Variants in BMX observed in about 807,000 individuals in gnomAD.
BMX encodes the protein BMX non-receptor tyrosine kinase.
In BMX, 31 loss-of-function variants were observed where a neutral mutation model predicts 59.2. The ratio of observed to expected loss-of-function variants is 0.52; its 90% confidence interval spans 0.39 to 0.71. BMX has a LOEUF of 0.71. Ranked by LOEUF, BMX falls within the 30% of genes least tolerant of loss-of-function variation. BMX has a pLI of 0.00. For synonymous variants in BMX, 185 were observed against 181.0 expected (o/e 1.02, Z -0.18); for missense variants, 474 against 491.7 (o/e 0.96, Z 0.34).
At chrX:15,544,203 G>GT (rs759448745) in intron 16 of BMX, among the ~76,000 whole-genome samples, 3 of 111,282 alleles carry the variant, frequency 2.7e-5, no homozygotes, top group Non-Finnish European at 5.7e-5. Context: ...AGGAGGATCT[G>GT]TTTTTTTAAT....
chrX:15,521,517 A>T (rs1018889264), intron 6 of BMX, among the ~76,000 whole-genome samples: 1 of 112,015 alleles, frequency 8.9e-6, no homozygotes. Context: ...TTGGAAGATC[A>T]TATGTCTAAA....
At chrX:15,510,400 G>A (rs921584634) in intron 3 of BMX, among the ~76,000 whole-genome samples, 1 of 111,646 alleles carries the variant, frequency 9.0e-6, no homozygotes, top group African/African-American at 3.3e-5. Flanking sequence ...ACCAGGCCAG[G>A]CACAGTGGTT....
At position 15,549,884 on chromosome X, in the gene BMX, G is replaced by A. The variant is rs1364382238; in HGVS notation, c.1840G>A (p.Asp614Asn). The A allele has an allele frequency of 8.3e-7, 1 of 1,209,946 alleles. No homozygotes were observed. Among genetic ancestry groups the A allele is most frequent in the Non-Finnish European group, 1.1e-6 (1 of 894,672 alleles). The change falls in exon 18 of 19, where the codon GAC becomes AAC. Residue 614 changes from aspartate to asparagine, a missense_variant. Physicochemically the swap from Asp to Asn is conservative, Grantham distance 23 (BLOSUM62 1). Coordinates refer to ENST00000348343, the MANE Select transcript of BMX (RefSeq NM_203281.3). ...GTTCAGCCTGGGGAAGCAGCCCTAT[G>A]ACTTGTATGACAACTCCCAGGTGGT... is the stretch of plus-strand genomic sequence containing the variant. The part of the protein sequence containing the change: ...EVFSLGKQPY[D>N]LYDNSQVVLK...
chrX:15,510,585 T>C (rs1008427858), intron 3 of BMX, among the ~76,000 whole-genome samples: 4 of 111,553 alleles, frequency 3.6e-5, no homozygotes, highest in Non-Finnish European at 7.5e-5. Flanking sequence ...TGGAAGATGC[T>C]GCAAACTCAC....
intron 18 of BMX, among the ~76,000 whole-genome samples, chrX:15,555,675 T>C (rs189094097): frequency 8.9e-6 from 1 of 111,970 alleles, no homozygotes; most frequent in Non-Finnish European, 1.9e-5. Context: ...TTACTGTAGG[T>C]ATATGTGAAG....
chrX:15,530,569 G>T (rs1395905522), intron 10 of BMX, among the ~76,000 whole-genome samples: 3 of 111,930 alleles, frequency 2.7e-5, no homozygotes, highest in East Asian at 5.6e-4. Context: ...CAAGTCACAT[G>T]GCTCAGCCCA....
At chrX:15,509,563 T>C (rs1363047718) in intron 3 of BMX, 130 bp downstream of exon 3, 7 of 465,158 alleles carry the variant, frequency 1.5e-5, no homozygotes, top group Non-Finnish European at 2.0e-5. Flanking sequence ...TATTCCCACA[T>C]GGGAGTTGGG....
At chrX:15,529,335 C>A (rs756600895) in intron 9 of BMX, among the ~76,000 whole-genome samples, 2 of 111,778 alleles carry the variant, frequency 1.8e-5, no homozygotes, top group Non-Finnish European at 3.8e-5. Flanking sequence ...CCTCACCCCC[C>A]TCTTGTACTT....
intron 17 of BMX, 51 bp downstream of exon 17, chrX:15,546,972 A>G: frequency 9.8e-7 from 1 of 1,021,018 alleles, no homozygotes; most frequent in African/African-American, 1.9e-5. Context: ...GCTTACTTCC[A>G]CAACAGGAAA....
intron 4 of BMX, among the ~76,000 whole-genome samples, chrX:15,511,834 T>G (rs1161234967): frequency 1.8e-5 from 2 of 111,853 alleles, no homozygotes; most frequent in Non-Finnish European, 3.8e-5. Flanking sequence ...CAGGGGAAAG[T>G]CTAGGTCATC....
intron 1 of BMX, among the ~76,000 whole-genome samples, chrX:15,502,564 G>T (rs1328982304): frequency 9.0e-6 from 1 of 111,694 alleles, no homozygotes; most frequent in Admixed American, 9.5e-5. Flanking sequence ...ATCAATTAAG[G>T]TATGATGCTC....
chrX:15,506,863 C>T (rs1407893923), intron 1 of BMX, among the ~76,000 whole-genome samples: 1 of 112,338 alleles, frequency 8.9e-6, no homozygotes, highest in Non-Finnish European at 1.9e-5. Flanking sequence ...AACAATATCC[C>T]AGGGAAAAAG....
intron 1 of BMX, among the ~76,000 whole-genome samples, chrX:15,504,793 T>C (rs1467726304): frequency 8.9e-6 from 1 of 112,072 alleles, no homozygotes; most frequent in East Asian, 2.8e-4. Context: ...CACTTTCTAG[T>C]TTCATCTGTT....
Position 15,549,949 on chromosome X carries a change from C to A in BMX, c.1905C>A (p.His635Gln), listed in dbSNP as rs765195659. 5.0e-6 allele frequency: 6 copies of A among 1,209,568 alleles called. No homozygotes were observed. The South Asian group carries it at 5.3e-5, about 11-fold the overall frequency. Residue 635 changes from histidine to glutamine, a missense_variant, in exon 18 of 19, where the codon CAC (histidine) becomes CAA (glutamine). By Grantham distance (24) the His-to-Gln change is conservative (BLOSUM62 0). Coordinates refer to ENST00000348343, the MANE Select transcript of BMX (RefSeq NM_203281.3). ...VSQGHRLYRP[H>Q]LASDTIYQIM... ...AGGGCCACAGGCTTTACCGGCCCCA[C>A]CTGGCATCGGACACCATCTACCAGA...
At chrX:15,521,221 C>T (rs1011777593) in intron 6 of BMX, among the ~76,000 whole-genome samples, 16 of 111,758 alleles carry the variant, frequency 1.4e-4, no homozygotes, top group Admixed American at 3.8e-4. Context: ...TCACTACTAC[C>T]CTCCAAAAGT....
At chrX:15,524,503 T>A (rs1158809766) in intron 7 of BMX, among the ~76,000 whole-genome samples, 1 of 112,377 alleles carries the variant, frequency 8.9e-6, no homozygotes, top group Non-Finnish European at 1.9e-5. Context: ...GATGCACTAT[T>A]GATGGACATT....
intron 17 of BMX, 152 bp downstream of exon 17, chrX:15,547,073 G>A (rs988438629): frequency 4.6e-6 from 2 of 435,127 alleles, no homozygotes; most frequent in African/African-American, 5.0e-5. Flanking sequence ...GTTGAAGAAG[G>A]TGATTTATTT....
In BMX at chrX:15,537,240, T is replaced by C. The variant is rs748657334; in HGVS notation, c.1329T>C (p.Ala443=). ...LGKWKGQYDV[A]VKMIKEGSMS... The stretch of plus-strand genomic sequence containing the variant: ...AGTGGAAGGGGCAGTATGATGTTGC[T>C]GTTAAGATGATCAAGGAGGGCTCCA... Residue 443 remains alanine, a synonymous_variant, in exon 14 of 19, where the codon GCT becomes GCC. Transcript: ENST00000348343. 1 of 1,210,597 alleles carries C rather than the reference T, an allele frequency of 8.3e-7. No individual in the cohort carries two copies. Among genetic ancestry groups the C allele is most frequent in the Admixed American group, 2.2e-5 (1 of 45,863 alleles).
intron 3 of BMX, among the ~76,000 whole-genome samples, chrX:15,511,105 G>A (rs1923938418): frequency 9.0e-6 from 1 of 111,605 alleles, no homozygotes; most frequent in Admixed American, 9.5e-5. Flanking sequence ...TCATGCACTG[G>A]GTAGGCAAAT....
Sources: allele counts gnomAD v4.1 joint callset (sites outside exome capture counted in the v4.1 genomes callset), GRCh38; gene constraint gnomAD v4.1.1; transcripts MANE v1.5; gene names NCBI Gene and HGNC (gene_info 2026-07-23, HGNC 2026-07-21).